PZP: variants seen among roughly 807,000 people sequenced by gnomAD.
PZP encodes pregnancy zone protein.
PZP carries 150 observed loss-of-function variants against 179.8 expected under a neutral mutation model. That is an observed-to-expected ratio of 0.83 (90% CI 0.73 to 0.96). The LOEUF is 0.96. PZP is among the 40% of genes least tolerant of loss of function. PZP has a pLI of 0.00. For missense variants in PZP, 1,689 were observed against 1,764.0 expected (o/e 0.96, Z 0.76); for synonymous variants, 624 against 652.3 (o/e 0.96, Z 0.66).
In PZP at chr12:9,195,702, C is replaced by A. The variant is rs11049379; in HGVS notation, c.1092+628G>T. Among the ~76,000 whole-genome samples the A allele has an allele frequency of 2.6e-4, 39 of 149,688 alleles. No individual in the cohort carries two copies. The East Asian group carries it at 3.7e-3, about 14-fold the overall frequency. ...CTCCTGGCCTCAGGCGATCCTCCCC[C>A]CTTGGCCTCCCAAAGTTCTGGGATT... On this transcript the variant is annotated intron_variant, in intron 10 of 35. Coordinates refer to ENST00000261336, the MANE Select transcript of PZP (RefSeq NM_002864.3).
At position 9,201,005 on chromosome 12, in the gene PZP, A is replaced by T. The variant is rs767894948; in HGVS notation, c.557T>A (p.Ile186Asn). Residue 186 changes from isoleucine to asparagine, a missense_variant, in exon 6 of 36, where the codon ATC becomes AAC. Coordinates refer to ENST00000261336, the MANE Select transcript of PZP (RefSeq NM_002864.3). ...QWQSLKLEAG[I>N]NQLSFPLSSE... ...TGAGAGGGGAAAGGACAACTGATTG[A>T]TGCCAGCTTCTAGCTTGAGACTCTG... The T allele has an allele frequency of 1.9e-6, 3 of 1,614,094 alleles. No individual in the cohort carries two copies. The East Asian group carries it at 6.7e-5, about 36-fold the overall frequency.
chr12:9,150,712 AC>A lies in PZP; in HGVS notation c.4315del (p.Val1439PhefsTer7). 6.2e-7 allele frequency: 1 copy of A among 1,613,112 alleles called. No individual in the cohort carries two copies. Among genetic ancestry groups the A allele is most frequent in the East Asian group, 2.2e-5 (1 of 44,850 alleles). ...GTCTCCTACTGGGATGTCTTGCAGA[AC>A]CATGAAGGAAAAACTTAGCGTCTGA... ...TNQTLSFSFM[V>X]LQDIPVGDLK... On this transcript the variant is annotated frameshift_variant, in exon 34 of 36. Transcript: ENST00000261336. LOFTEE classifies it high-confidence loss of function.
In PZP at chr12:9,203,752, G is replaced by T; in HGVS notation, c.267+16C>A. The T allele has an allele frequency of 6.2e-7, 1 of 1,613,558 alleles. No homozygotes were observed. The highest frequency in any genetic ancestry group is 8.5e-7 in the Non-Finnish European group (1 of 1,179,680). On this transcript the variant is annotated intron_variant, in intron 2 of 35. Coordinates refer to ENST00000261336, the MANE Select transcript of PZP (RefSeq NM_002864.3). ...TGTATCAAGCAGGGATAGCCAGCTG[G>T]CACCGTAGCACTCACAGTGAAGGAG...
Position 9,163,713 on chromosome 12 carries a change from A to C in PZP, c.2691T>G (p.Pro897=). ...TGACTGTGTCTTTTCTTTTAATCTCAGGGACCTCAACAACCTCATTTCCAC... is the reference window on the plus strand; with the variant it reads ...TGACTGTGTCTTTTCTTTTAATCTCCGGGACCTCAACAACCTCATTTCCAC... ...ELCGNEVVEV[P]EIKRKDTVIK... Residue 897 remains proline (P), a synonymous_variant, in exon 21 of 36, where the codon CCT becomes CCG. Coordinates refer to ENST00000261336, the MANE Select transcript of PZP (RefSeq NM_002864.3). The C allele has an allele frequency of 6.2e-7, 1 of 1,613,902 alleles. No individual in the cohort carries two copies. The highest frequency in any genetic ancestry group is 8.5e-7 in the Non-Finnish European group (1 of 1,179,878).
the PZP span, among the ~76,000 whole-genome samples, chr12:9,141,235 C>T: frequency 6.6e-6 from 1 of 152,112 alleles, no homozygotes; most frequent in East Asian, 1.9e-4. Flanking sequence ...ATACCAATAA[C>T]ATATGTATGC....
At chr12:9,143,085 T>C in the PZP span, among the ~76,000 whole-genome samples, 1 of 152,228 alleles carries the variant, frequency 6.6e-6, no homozygotes, top group Non-Finnish European at 1.5e-5. Context: ...TTAGTTAAGC[T>C]GAGTGCTCTT....
chr12:9,147,959 G>T (rs1249625817), downstream of PZP, among the ~76,000 whole-genome samples: 1 of 151,674 alleles, frequency 6.6e-6, no homozygotes, highest in African/African-American at 2.4e-5. Flanking sequence ...CCCTGTTTCT[G>T]TAGATAGGAT....
At chr12:9,136,874 A>G in the PZP span, among the ~76,000 whole-genome samples, 1 of 152,010 alleles carries the variant, frequency 6.6e-6, no homozygotes, top group Non-Finnish European at 1.5e-5. Flanking sequence ...TCATGTTATT[A>G]GTTTTTTTGC....
chr12:9,196,971 G>A (rs1227993047), intron 8 of PZP, 41 bp downstream of exon 8: 2 of 1,385,526 alleles, frequency 1.4e-6, no homozygotes, highest in Non-Finnish European at 2.1e-6. Context: ...CTCACTGGTT[G>A]TAAACAGTGA....
intron 15 of PZP, among the ~76,000 whole-genome samples, chr12:9,175,064 C>G (rs1237966090): frequency 6.6e-6 from 1 of 152,184 alleles, no homozygotes; most frequent in Admixed American, 6.5e-5. Flanking sequence ...TCAAACTTTA[C>G]TACAAGGTTA....
In PZP at chr12:9,165,214, C is replaced by A; in HGVS notation, c.2412G>T (p.Met804Ile). Reference sequence around the variant, plus strand: ...CCTCTCCACGAATCACAGAGTAAGGCATTGTGAGCTCCACAAAGAAGGGCT... The same window carrying A: ...CCTCTCCACGAATCACAGAGTAAGGAATTGTGAGCTCCACAAAGAAGGGCT... ...AFQPFFVELT[M>I]PYSVIRGEVF... Residue 804 changes from methionine (M) to isoleucine (I), a missense_variant, in exon 19 of 36, where the codon ATG (methionine) becomes ATT (isoleucine). By Grantham distance (10) the Met-to-Ile change is conservative. Coordinates refer to ENST00000261336, the MANE Select transcript of PZP (RefSeq NM_002864.3). 6.2e-7 allele frequency: 1 copy of A among 1,614,158 alleles called. No homozygotes were observed. The highest frequency in any genetic ancestry group is 8.5e-7 in the Non-Finnish European group (1 of 1,180,028).
rs1378165477 is a variant in PZP at position 9,197,645 on chromosome 12, TATA to T, written c.756-525_756-523del. Among the ~76,000 whole-genome samples, 45 of 100,370 alleles carry T rather than the reference TATA, an allele frequency of 4.5e-4. 1 individual carries two copies. The highest frequency in any genetic ancestry group is 1.0e-3 in the East Asian group (4 of 3,952). The allele number at this position is 100,370 out of a possible 152,430, so 65.8% of individuals were successfully genotyped here. ...ATATATTATATTATATATTATATTATATAATATAATATAAAATTATTATATATA... is the reference window on the plus strand; with the variant it reads ...ATATATTATATTATATATTATATTATATATAATATAAAATTATTATATATA... On this transcript the variant is annotated intron_variant, in intron 7 of 35. Transcript: ENST00000261336.
chr12:9,163,561 A>G, intron 21 of PZP, 107 bp downstream of exon 21: 1 of 1,271,646 alleles, frequency 7.9e-7, no homozygotes, highest in East Asian at 2.4e-5. Context: ...CATTAGTCTT[A>G]CAGGATGTAT....
At chr12:9,180,386 C>T (rs1592511263) in intron 15 of PZP, among the ~76,000 whole-genome samples, 1 of 152,174 alleles carries the variant, frequency 6.6e-6, no homozygotes, top group African/African-American at 2.4e-5. Context: ...ATCACACTAC[C>T]TGACTTCAAA....
intron 23 of PZP, among the ~76,000 whole-genome samples, 163 bp downstream of exon 23, chr12:9,160,870 A>G (rs778076284): frequency 2.6e-5 from 4 of 152,004 alleles, no homozygotes; most frequent in East Asian, 1.9e-4. Flanking sequence ...AGCCGAGATC[A>G]CGTCACTGTA....
downstream of PZP, among the ~76,000 whole-genome samples, chr12:9,145,914 A>T (rs1939983759): frequency 6.6e-6 from 1 of 152,180 alleles, no homozygotes; most frequent in Non-Finnish European, 1.5e-5. Flanking sequence ...TGATCATCTT[A>T]TCAGGCATCT....
intron 24 of PZP, 126 bp downstream of exon 24, chr12:9,160,188 A>G (rs1207441942): frequency 1.8e-6 from 2 of 1,088,492 alleles, no homozygotes; most frequent in Admixed American, 2.3e-5. Context: ...ATCCTATTAG[A>G]GTGTGGGAAG....
intron 4 of PZP, among the ~76,000 whole-genome samples, 179 bp from the exon 5 acceptor site, chr12:9,201,526 A>C (rs1380879802): frequency 6.6e-6 from 1 of 152,204 alleles, no homozygotes; most frequent in African/African-American, 2.4e-5. Context: ...ATGAGCATAC[A>C]CAATATATTC....
In PZP at chr12:9,161,195, C is replaced by T; in HGVS notation, c.2789-79G>A. On this transcript the variant is annotated intron_variant, in intron 22 of 35. Coordinates refer to ENST00000261336, the MANE Select transcript of PZP (RefSeq NM_002864.3). ...TTTAGTGATTATAATGTAGTGAGAG[C>T]TTCAGAGCCACACTCCCTGGATATG... The T allele has an allele frequency of 7.4e-6, 9 of 1,211,076 alleles. No individual in the cohort carries two copies. The East Asian group carries it at 1.7e-4, about 22-fold the overall frequency. The allele number at this position is 1,211,076 out of a possible 1,614,324, so 75.0% of individuals were successfully genotyped here.
Sources: gnomAD v4.1 joint callset for allele counts (sites outside exome capture counted in the v4.1 genomes callset) on GRCh38, gnomAD v4.1.1 for gene constraint, MANE v1.5 for transcripts, NCBI Gene and HGNC (gene_info 2026-07-23, HGNC 2026-07-21) for gene names.